The following LRRTM4 variants were observed in gnomAD, a reference collection of about 807,000 sequenced individuals.
The protein encoded by LRRTM4 is leucine rich repeat transmembrane neuronal 4.
In LRRTM4, 25 loss-of-function variants were observed where a neutral mutation model predicts 47.6. The observed-to-expected ratio is 0.53, with a 90% CI of 0.38 to 0.73. LRRTM4 has a LOEUF of 0.73. Ranked by LOEUF, LRRTM4 falls within the 30% of genes least tolerant of loss-of-function variation. The pLI is 0.00. For missense variants in LRRTM4, 638 were observed against 713.4 expected (o/e 0.89, Z 1.20); for synonymous variants, 311 against 269.5 (o/e 1.15, Z -1.51).
At chr2:76,807,483 T>C (rs1189679638) in intron 3 of LRRTM4, among the ~76,000 whole-genome samples, 50 of 134,194 alleles carry the variant, frequency 3.7e-4, no homozygotes, top group South Asian at 2.2e-3. Context: ...TATATATATA[T>C]ATACATATAT....
intron 3 of LRRTM4, among the ~76,000 whole-genome samples, chr2:77,494,482 C>T (rs1013035060): frequency 1.3e-5 from 2 of 151,898 alleles, no homozygotes; most frequent in Non-Finnish European, 2.9e-5. Context: ...CCTAGGCATT[C>T]CAGAGGCTGA....
chr2:77,086,203 C>T (rs1459771190), intron 3 of LRRTM4, among the ~76,000 whole-genome samples: 1 of 152,068 alleles, frequency 6.6e-6, no homozygotes, highest in East Asian at 1.9e-4. Flanking sequence ...ATCCTGACAG[C>T]CATCCAAGGA....
At chr2:77,521,562 T>G in intron 2 of LRRTM4, 106 bp downstream of exon 2, 1 of 1,300,240 alleles carries the variant, frequency 7.7e-7, no homozygotes, top group Non-Finnish European at 1.1e-6. Flanking sequence ...CAAAGGCTGC[T>G]GCTCTTTGCC....
intron 3 of LRRTM4, among the ~76,000 whole-genome samples, chr2:76,788,647 T>A (rs1034757008): frequency 1.3e-5 from 2 of 152,172 alleles, no homozygotes; most frequent in African/African-American, 4.8e-5. Flanking sequence ...TTTTTAAAGG[T>A]AATCATAAGA....
At chr2:76,848,233 T>C (rs945714446) in intron 3 of LRRTM4, among the ~76,000 whole-genome samples, 10 of 152,270 alleles carry the variant, frequency 6.6e-5, no homozygotes, top group African/African-American at 1.9e-4. Context: ...TATTTAATCT[T>C]GGAATTTTCC....
At chr2:77,021,591 G>T (rs1051975718) in intron 3 of LRRTM4, among the ~76,000 whole-genome samples, 1 of 152,116 alleles carries the variant, frequency 6.6e-6, no homozygotes, top group African/African-American at 2.4e-5. Flanking sequence ...TACTATATGT[G>T]AAAGACCACA....
intron 3 of LRRTM4, among the ~76,000 whole-genome samples, chr2:77,031,302 A>C (rs1330347563): frequency 6.6e-6 from 1 of 152,108 alleles, no homozygotes; most frequent in Non-Finnish European, 1.5e-5. Flanking sequence ...TGCTTTCACA[A>C]ATTTTAGATC....
chr2:76,853,499 A>AT (rs1225874261), intron 3 of LRRTM4, among the ~76,000 whole-genome samples: 1 of 152,112 alleles, frequency 6.6e-6, no homozygotes, highest in African/African-American at 2.4e-5. Context: ...CCCTTTAGAT[A>AT]TTAGAGTTAT....
intron 3 of LRRTM4, among the ~76,000 whole-genome samples, chr2:76,912,320 A>C (rs1411472892): frequency 1.3e-5 from 2 of 152,222 alleles, no homozygotes; most frequent in Non-Finnish European, 2.9e-5. Flanking sequence ...TCATGTTAAT[A>C]AATGTAGTCC....
At chr2:77,237,191 GT>G (rs933699919) in intron 3 of LRRTM4, among the ~76,000 whole-genome samples, 1 of 149,572 alleles carries the variant, frequency 6.7e-6, no homozygotes, top group African/African-American at 2.5e-5. Context: ...TGGTTGCTAG[GT>G]TTTTTCATTA....
At chr2:76,914,121 C>G (rs1466786598) in intron 3 of LRRTM4, among the ~76,000 whole-genome samples, 1 of 151,848 alleles carries the variant, frequency 6.6e-6, no homozygotes, top group Non-Finnish European at 1.5e-5. Flanking sequence ...CAACTTTAAA[C>G]TTTTAAATTG....
At chr2:77,362,185 G>GGAAGGA (rs1558707532) in intron 3 of LRRTM4, among the ~76,000 whole-genome samples, 1 of 151,518 alleles carries the variant, frequency 6.6e-6, no homozygotes, top group African/African-American at 2.4e-5. Context: ...AAGGAAGGAA[G>GGAAGGA]AGTTCTTAAT....
chr2:76,922,771 C>T (rs770121032), intron 3 of LRRTM4, among the ~76,000 whole-genome samples: 1 of 152,036 alleles, frequency 6.6e-6, no homozygotes, highest in African/African-American at 2.4e-5. Context: ...CTTAAGTAGT[C>T]TCACCACATA....
At chr2:77,079,192 A>G (rs1437673535) in intron 3 of LRRTM4, among the ~76,000 whole-genome samples, 1 of 152,194 alleles carries the variant, frequency 6.6e-6, no homozygotes, top group African/African-American at 2.4e-5. Flanking sequence ...TTCTGCCAGT[A>G]ATAGATTTGT....
chr2:77,222,051 C>T (rs919426329), intron 3 of LRRTM4, among the ~76,000 whole-genome samples: 5 of 152,172 alleles, frequency 3.3e-5, no homozygotes, highest in Non-Finnish European at 7.3e-5. Context: ...GATTAAGAAA[C>T]TCACTCAAAA....
At chr2:77,142,727 G>A (rs1349036942) in intron 3 of LRRTM4, among the ~76,000 whole-genome samples, 1 of 152,106 alleles carries the variant, frequency 6.6e-6, no homozygotes, top group African/African-American at 2.4e-5. Context: ...ATGATACTCT[G>A]TATGTCTACA....
At chr2:77,471,854 A>T (rs975579750) in intron 3 of LRRTM4, among the ~76,000 whole-genome samples, 3 of 152,160 alleles carry the variant, frequency 2.0e-5, no homozygotes, top group African/African-American at 7.2e-5. Context: ...TGTTTTACAG[A>T]TGTACACACA....
At chr2:77,450,334 T>C (rs1676210626) in intron 3 of LRRTM4, among the ~76,000 whole-genome samples, 1 of 151,132 alleles carries the variant, frequency 6.6e-6, no homozygotes, top group Admixed American at 6.6e-5. Flanking sequence ...CACACATACA[T>C]ATCTCATCAG....
At chr2:77,069,983 C>T (rs1348869909) in intron 3 of LRRTM4, among the ~76,000 whole-genome samples, 1 of 152,064 alleles carries the variant, frequency 6.6e-6, no homozygotes, top group Non-Finnish European at 1.5e-5. Context: ...TGGCAAGCTC[C>T]AGTTGGGTCA....
Sources: allele counts gnomAD v4.1 joint callset (sites outside exome capture counted in the v4.1 genomes callset), GRCh38; gene constraint gnomAD v4.1.1; transcripts MANE v1.5; gene names NCBI Gene and HGNC (gene_info 2026-07-23, HGNC 2026-07-21).